The following KIAA1217 variants were observed in gnomAD, a reference collection of about 807,000 sequenced individuals.
KIAA1217 encodes KIAA1217, also known as sickle tail protein homolog.
In KIAA1217, 88 loss-of-function variants were observed where a neutral mutation model predicts 163.9. The observed-to-expected ratio is 0.54, with a 90% confidence interval of 0.45 to 0.64. The LOEUF is 0.64. Ranked by LOEUF, KIAA1217 falls within the 30% of genes least tolerant of loss-of-function variation. The pLI, the probability that KIAA1217 is intolerant of heterozygous loss-of-function variation, is 0.00. For missense variants in KIAA1217, 2,372 were observed against 2,475.0 expected, an observed-to-expected ratio of 0.96 and a Z score of 0.88; for synonymous variants, 903 against 923.1, an observed-to-expected ratio of 0.98 and a Z score of 0.39.
intron 4 of KIAA1217, among the ~76,000 whole-genome samples, chr10:24,434,911 GTTCACACTTCTTGGTCAAGAAC>G (rs766778289): frequency 3.0e-4 from 46 of 152,182 alleles, no homozygotes; most frequent in Non-Finnish European, 4.9e-4. Flanking sequence ...AAATATGGCT[GTTCACACTTCTTGGTCAAGAAC>G]TTTTTGATTT....
At position 23,790,018 on chromosome 10, in the gene KIAA1217, C is replaced by CACATATGCATATACACATAT. The variant is rs1319795018; in HGVS notation, c.-321+94808_-321+94827dup. 4.7e-3 allele frequency among the ~76,000 whole-genome samples: 563 copies of CACATATGCATATACACATAT among 120,782 alleles called. 90 individuals carry two copies. The highest frequency in any genetic ancestry group is 0.041 in the Admixed American group (459 of 11,142). The allele number at this position is 120,782 out of a possible 152,430, so 79.2% of individuals were successfully genotyped here. A position where few individuals can be genotyped will look rare whatever the true frequency, so the allele number is the denominator to read the frequency against. On this transcript the variant is annotated intron_variant, in intron 1 of 18. Coordinates refer to the KIAA1217 transcript ENST00000376462. ...ATACACATATGCACATACACATATA[C>CACATATGCATATACACATAT]ACATATGCATATACACATATACATA...
chr10:23,792,655 G>C (rs1367800014), intron 1 of KIAA1217, among the ~76,000 whole-genome samples: 1 of 149,548 alleles, frequency 6.7e-6, no homozygotes, highest in Non-Finnish European at 1.5e-5. Flanking sequence ...ACCACGCCCG[G>C]CTAATTTTTT....
intron 1 of KIAA1217, among the ~76,000 whole-genome samples, chr10:23,782,086 T>A (rs1326803290): frequency 6.6e-6 from 1 of 152,168 alleles, no homozygotes; most frequent in Non-Finnish European, 1.5e-5. Flanking sequence ...AATTTTTTTT[T>A]CTATTTTCAT....
At chr10:24,101,354 T>C (rs545338635) in intron 2 of KIAA1217, among the ~76,000 whole-genome samples, 13 of 152,282 alleles carry the variant, frequency 8.5e-5, no homozygotes, top group African/African-American at 3.1e-4. Context: ...CATAAAATTG[T>C]CTAAGACATT....
At chr10:23,953,185 C>T (rs1056884561) in intron 1 of KIAA1217, among the ~76,000 whole-genome samples, 18 of 152,192 alleles carry the variant, frequency 1.2e-4, no homozygotes, top group Non-Finnish European at 2.1e-4. Flanking sequence ...GCTTTGGAGT[C>T]AGCCCAATGT....
chr10:24,116,723 C>T (rs1414999574), intron 2 of KIAA1217, among the ~76,000 whole-genome samples: 2 of 152,114 alleles, frequency 1.3e-5, no homozygotes, highest in African/African-American at 4.8e-5. Flanking sequence ...ACACAATTTA[C>T]ACATCTTCTT....
At chr10:24,036,267 T>C (rs1318562041) in intron 2 of KIAA1217, among the ~76,000 whole-genome samples, 1 of 152,208 alleles carries the variant, frequency 6.6e-6, no homozygotes, top group Non-Finnish European at 1.5e-5. Context: ...GTGTTCTCTC[T>C]CTTTGGTGAG....
intron 2 of KIAA1217, among the ~76,000 whole-genome samples, chr10:24,285,039 A>G (rs2078403308): frequency 6.6e-6 from 1 of 152,070 alleles, no homozygotes; most frequent in Admixed American, 6.6e-5. Context: ...TATTCTTTTG[A>G]GAAGTGTCTG....
intron 1 of KIAA1217, among the ~76,000 whole-genome samples, chr10:23,813,838 G>C (rs190300529): frequency 1.4e-3 from 212 of 152,254 alleles, no homozygotes; most frequent in Middle Eastern, 3.4e-3. Flanking sequence ...CACTCTTCTA[G>C]TAAGTGCCTG....
At chr10:23,875,719 C>T (rs929505195) in intron 1 of KIAA1217, among the ~76,000 whole-genome samples, 7 of 151,946 alleles carry the variant, frequency 4.6e-5, no homozygotes, top group African/African-American at 1.7e-4. Flanking sequence ...CAATGATAGA[C>T]TGGATTAAGA....
At chr10:24,063,364 C>A (rs540262147) in intron 2 of KIAA1217, among the ~76,000 whole-genome samples, 1 of 152,236 alleles carries the variant, frequency 6.6e-6, no homozygotes, top group Non-Finnish European at 1.5e-5. Flanking sequence ...ATATGGCTAG[C>A]CAGTTTTCCC....
intron 1 of KIAA1217, among the ~76,000 whole-genome samples, chr10:24,000,032 G>A (rs942094953): frequency 6.6e-6 from 1 of 152,158 alleles, no homozygotes; most frequent in Non-Finnish European, 1.5e-5. Context: ...CACCACTGCA[G>A]TCCAGCCTGG....
chr10:23,728,857 AAT>A (rs1564371432), intron 1 of KIAA1217, among the ~76,000 whole-genome samples: 2 of 152,298 alleles, frequency 1.3e-5, no homozygotes, highest in Non-Finnish European at 2.9e-5. Context: ...TGCAGTCATC[AAT>A]ATCCCACACA....
At chr10:24,080,225 AGGT>A (rs1232645579) in intron 2 of KIAA1217, among the ~76,000 whole-genome samples, 1 of 152,218 alleles carries the variant, frequency 6.6e-6, no homozygotes, top group East Asian at 1.9e-4. Context: ...GGATGAAATC[AGGT>A]CCCTTCTGTT....
At chr10:24,523,967 G>T (rs187363387) in intron 12 of KIAA1217, among the ~76,000 whole-genome samples, 2 of 152,048 alleles carry the variant, frequency 1.3e-5, no homozygotes, top group African/African-American at 4.8e-5. Context: ...TTAGAATGTG[G>T]GCGGCCCACC....
At chr10:23,860,433 G>C (rs1227286517) in intron 1 of KIAA1217, among the ~76,000 whole-genome samples, 4 of 151,998 alleles carry the variant, frequency 2.6e-5, no homozygotes, top group Non-Finnish European at 5.9e-5. Context: ...GAGCTGACAA[G>C]ATTCCCTTGC....
In KIAA1217 at chr10:24,484,882, C is replaced by T. The variant is rs141264052; in HGVS notation, c.1680-9618C>T. ...TCTGAGGGGGGTTGTGTCCTTATTC[C>T]TGACTTGGGGCTGTTTCCTGGTCCC... is the stretch of plus-strand genomic sequence containing the variant. On this transcript the variant is annotated intron_variant, in intron 6 of 20. Coordinates refer to ENST00000376454, the MANE Select transcript of KIAA1217 (RefSeq NM_019590.5). Among the ~76,000 whole-genome samples, 1,486 of 152,192 alleles carry T rather than the reference C, an allele frequency of 9.8e-3. 11 individuals are homozygous for T. The highest frequency in any genetic ancestry group is 0.014 in the Non-Finnish European group (922 of 68,020).
intron 2 of KIAA1217, among the ~76,000 whole-genome samples, chr10:24,330,511 A>G (rs889343233): frequency 2.6e-5 from 4 of 152,236 alleles, no homozygotes; most frequent in African/African-American, 9.6e-5. Context: ...GAATCCATAC[A>G]TAGGCTTCCA....
intron 1 of KIAA1217, among the ~76,000 whole-genome samples, chr10:23,768,596 A>G: frequency 6.6e-6 from 1 of 152,342 alleles, no homozygotes; most frequent in South Asian, 2.1e-4. Context: ...TGAACTTTTC[A>G]ATGAGGAAAG....
Sources: gnomAD v4.1 joint callset for allele counts (sites outside exome capture counted in the v4.1 genomes callset) on GRCh38, gnomAD v4.1.1 for gene constraint, MANE v1.5 for transcripts, NCBI Gene and HGNC (gene_info 2026-07-23, HGNC 2026-07-21) for gene names.